The following GAS7 variants were observed in gnomAD, a reference collection of about 807,000 sequenced individuals.
GAS7 encodes the protein growth arrest specific 7.
Under a neutral mutation model 71.1 loss-of-function variants are expected in GAS7, and 28 were observed. The observed-to-expected ratio is 0.39, with a 90% CI of 0.29 to 0.54. GAS7 has a LOEUF of 0.54. Among genes scored for constraint, GAS7 ranks in the 20% least tolerant of loss-of-function variants. The pLI is 0.62. For synonymous variants in GAS7, 258 were observed against 245.8 expected (o/e 1.05, Z -0.46); for missense variants, 436 against 627.8 (o/e 0.69, Z 3.27).
chr17:10,059,705 T>TG, intron 1 of GAS7: 1 of 985,392 alleles, frequency 1.0e-6, no homozygotes, highest in Non-Finnish European at 1.2e-6. Flanking sequence ...AGCCTTGTGG[T>TG]GTGTCCTTAT....
chr17:10,047,563 A>G (rs183144159), intron 1 of GAS7, among the ~76,000 whole-genome samples: 10 of 152,352 alleles, frequency 6.6e-5, no homozygotes, highest in African/African-American at 2.4e-4. Flanking sequence ...ACCATCCTGA[A>G]AGCACAAAGG....
At chr17:10,036,828 A>C in intron 1 of GAS7, 36 of 729,434 alleles carry the variant, frequency 4.9e-5, no homozygotes, top group East Asian at 1.8e-4. Context: ...ACAACAAACA[A>C]TGGCCAAGCT....
chr17:9,976,373 T>C (rs747567408), intron 3 of GAS7, among the ~76,000 whole-genome samples: 5 of 152,182 alleles, frequency 3.3e-5, no homozygotes, highest in Admixed American at 2.6e-4. Flanking sequence ...TAAGTCAGAG[T>C]GCTGGGGAAG....
At chr17:10,106,999 G>A (rs1165292598) in intron 1 of GAS7, among the ~76,000 whole-genome samples, 3 of 152,150 alleles carry the variant, frequency 2.0e-5, no homozygotes, top group Non-Finnish European at 2.9e-5. Flanking sequence ...CTGGACTGTG[G>A]TAAGGTGGTT....
intron 1 of GAS7, among the ~76,000 whole-genome samples, chr17:10,076,274 C>T (rs1335495873): frequency 8.3e-5 from 3 of 35,968 alleles, no homozygotes; most frequent in African/African-American, 1.2e-4. Context: ...GGAGGGGAGA[C>T]GGGGAGAGGG....
At chr17:10,091,760 C>A (rs1006510444) in intron 1 of GAS7, among the ~76,000 whole-genome samples, 2 of 152,092 alleles carry the variant, frequency 1.3e-5, no homozygotes, top group East Asian at 3.9e-4. Flanking sequence ...CGGCTCACTG[C>A]AGCCGCGACC....
rs1163279979 is a variant in GAS7, at chr17:9,969,093, C to T, written c.471+584G>A. Among the ~76,000 whole-genome samples, 9 of 152,196 alleles carry T rather than the reference C, an allele frequency of 5.9e-5. No homozygotes were observed. Among genetic ancestry groups the T allele is most frequent in the African/African-American group, 2.2e-4 (9 of 41,446 alleles). On this transcript the variant is annotated intron_variant, in intron 4 of 13. Transcript: ENST00000432992. This position sits in a 1 kb window ranked among gnomAD's most constrained non-coding sequence, Gnocchi z 5.5. Reference sequence around the variant, plus strand: ...TGTGAGCCTGCACAGGTCACAAAACCAGTTGGAGCCTCGGTGACCTCATGC... The same window carrying T: ...TGTGAGCCTGCACAGGTCACAAAACTAGTTGGAGCCTCGGTGACCTCATGC...
intron 1 of GAS7, among the ~76,000 whole-genome samples, chr17:10,182,316 C>T (rs1373741918): frequency 3.3e-5 from 5 of 152,092 alleles, no homozygotes; most frequent in African/African-American, 9.7e-5. Flanking sequence ...CCCACCACCA[C>T]GCTCGGCTAA....
chr17:10,074,890 G>A (rs191741069), intron 1 of GAS7, among the ~76,000 whole-genome samples: 1 of 151,744 alleles, frequency 6.6e-6, no homozygotes, highest in East Asian at 1.9e-4. Context: ...AGCAAATCCT[G>A]GAAATGCAGA....
chr17:9,986,554 C>T (rs1326015041), intron 2 of GAS7, among the ~76,000 whole-genome samples: 1 of 152,198 alleles, frequency 6.6e-6, no homozygotes, highest in Non-Finnish European at 1.5e-5. Flanking sequence ...AGTACAGAGG[C>T]AATCAGAACA....
intron 1 of GAS7, among the ~76,000 whole-genome samples, chr17:10,084,214 C>G (rs1477051454): frequency 6.6e-6 from 1 of 152,006 alleles, no homozygotes; most frequent in Non-Finnish European, 1.5e-5. Context: ...TATGGGTTAT[C>G]AATGGCCTAT....
intron 1 of GAS7, among the ~76,000 whole-genome samples, chr17:10,166,011 CTTTTTT>C (rs11356429): frequency 4.3e-4 from 62 of 143,202 alleles, no homozygotes; most frequent in African/African-American, 1.4e-3. Context: ...TTTTCTTTTT[CTTTTTT>C]TTTTTTTTCT....
At chr17:10,147,838 G>T (rs79505633) in intron 1 of GAS7, among the ~76,000 whole-genome samples, 1 of 152,048 alleles carries the variant, frequency 6.6e-6, no homozygotes. Flanking sequence ...TTTTTAAAAC[G>T]GTGTGAACAC....
intron 2 of GAS7, among the ~76,000 whole-genome samples, chr17:10,010,629 A>G (rs2071732822): frequency 6.6e-6 from 1 of 152,240 alleles, no homozygotes; most frequent in Non-Finnish European, 1.5e-5. Flanking sequence ...TCAAAAATGC[A>G]TGTATTACAC....
At chr17:10,132,652 T>C (rs1253923755) in intron 1 of GAS7, among the ~76,000 whole-genome samples, 1 of 151,900 alleles carries the variant, frequency 6.6e-6, no homozygotes, top group Non-Finnish European at 1.5e-5. Flanking sequence ...CCTGTAGTCC[T>C]AGCTGCTTGG....
At chr17:10,128,118 G>A (rs56401620) in intron 1 of GAS7, among the ~76,000 whole-genome samples, 40,773 of 152,144 alleles carry the variant, frequency 0.27, 7,521 homozygotes, top group African/African-American at 0.52. Flanking sequence ...AGTCACACAC[G>A]GAGGCCATGC....
At chr17:10,139,268 A>G (rs1171991597) in intron 1 of GAS7, among the ~76,000 whole-genome samples, 1 of 152,214 alleles carries the variant, frequency 6.6e-6, no homozygotes, top group Non-Finnish European at 1.5e-5. Flanking sequence ...TTTCACTCAC[A>G]ATAACAAGAA....
intron 1 of GAS7, among the ~76,000 whole-genome samples, chr17:10,059,508 A>G (rs982241828): frequency 2.0e-5 from 3 of 152,156 alleles, no homozygotes; most frequent in Non-Finnish European, 4.4e-5. Flanking sequence ...GGACTGATAC[A>G]CGGGAAGACA....
chr17:9,959,401 A>C lies in GAS7; in HGVS notation c.472-146T>G, dbSNP rs2069387563. On this transcript the variant is annotated intron_variant, in intron 4 of 13. Coordinates refer to ENST00000432992, the MANE Select transcript of GAS7 (RefSeq NM_201433.2). This position sits in a 1 kb window ranked among gnomAD's most constrained non-coding sequence, Gnocchi z 5.0. ...AAGTCACCATATTCTGGGCCAGGGC[A>C]AGCAGGGGTCTCCCTGACCCCACGC... The C allele has an allele frequency of 4.7e-6, 7 of 1,492,816 alleles. No individual in the cohort carries two copies. The highest frequency in any genetic ancestry group is 1.4e-5 in the African/African-American group (1 of 72,046). The allele number at this position is 1,492,816 out of a possible 1,614,324, so 92.5% of individuals were successfully genotyped here.
Sources: gnomAD v4.1 joint callset for allele counts (sites outside exome capture counted in the v4.1 genomes callset) on GRCh38, gnomAD v4.1.1 for gene constraint, Gnocchi (gnomAD v3.1) non-coding constraint, MANE v1.5 for transcripts, NCBI Gene and HGNC (gene_info 2026-07-23, HGNC 2026-07-21) for gene names.